C16orf89: variants seen among roughly 807,000 people sequenced by gnomAD.
C16orf89 encodes the protein chromosome 16 open reading frame 89, also known as UPF0764 protein C16orf89.
In C16orf89, 57 loss-of-function variants were observed where a neutral mutation model predicts 41.5. The ratio of observed to expected loss-of-function variants is 1.38; its 90% CI spans 1.11 to 1.71. The LOEUF (loss-of-function observed/expected upper bound fraction) is 1.71, where lower values mean the gene tolerates loss of function less well. C16orf89 is among the 40% of genes most tolerant of loss of function. C16orf89 has a pLI of 0.00. For missense variants in C16orf89, 575 were observed against 445.9 expected (o/e 1.29, Z -2.61); for synonymous variants, 223 against 190.6 (o/e 1.17, Z -1.40).
chr16:5,056,635 GGGCCAAGAACC>G (rs1031885549), intron 4 of C16orf89, among the ~76,000 whole-genome samples: 1 of 152,118 alleles, frequency 6.6e-6, no homozygotes, highest in Non-Finnish European at 1.5e-5. Context: ...CTCAAAGTGT[GGGCCAAGAACC>G]GGGCTGGTGA....
chr16:5,056,429 C>A (rs1216596286), intron 4 of C16orf89, among the ~76,000 whole-genome samples: 2 of 152,172 alleles, frequency 1.3e-5, no homozygotes, highest in African/African-American at 4.8e-5. Flanking sequence ...GCTAAAGTAA[C>A]CTTTCTGAGC....
chr16:5,062,042 T>G (rs1440841744), intron 2 of C16orf89, among the ~76,000 whole-genome samples: 1 of 152,186 alleles, frequency 6.6e-6, no homozygotes, highest in African/African-American at 2.4e-5. Context: ...TGGATTAAAA[T>G]AATTTGGTGA....
chr16:5,044,654 C>A (rs1286483234), intron 7 of C16orf89, 176 bp from the exon 8 acceptor site: 2 of 1,269,010 alleles, frequency 1.6e-6, no homozygotes, highest in Non-Finnish European at 2.2e-6. Flanking sequence ...CCAGCATGAG[C>A]AACATGATGA....
intron 2 of C16orf89, 44 bp from the exon 3 acceptor site, chr16:5,060,480 C>A: frequency 6.4e-7 from 1 of 1,570,920 alleles, no homozygotes; most frequent in Non-Finnish European, 8.7e-7. Context: ...TGGGGGTGAC[C>A]CAGGAGCAGT....
At chr16:5,059,086 A>C (rs1956566142) in intron 3 of C16orf89, among the ~76,000 whole-genome samples, 1 of 151,872 alleles carries the variant, frequency 6.6e-6, no homozygotes, top group Non-Finnish European at 1.5e-5. Flanking sequence ...CAAAAAATAC[A>C]AAAATTAGCT....
At chr16:5,062,664 A>G in intron 1 of C16orf89, 90 bp from the exon 2 acceptor site, 1 of 1,375,780 alleles carries the variant, frequency 7.3e-7, no homozygotes. Context: ...CCCAAAGTCT[A>G]ATGCTTCCTG....
chr16:5,058,510 A>G lies in C16orf89; in HGVS notation c.610T>C (p.Phe204Leu), dbSNP rs768383118. 6 of 1,608,892 alleles carry G rather than the reference A, an allele frequency of 3.7e-6. No homozygotes were observed. Among genetic ancestry groups the G allele is most frequent in the South Asian group, 2.2e-5 (2 of 90,980 alleles). ...GCACTCACCATTCTGGCCCAGAGGA[A>G]GAAGAGCAGTTGGTGGGACAGGCAG... The part of the protein sequence containing the change: ...GYCLSHQLLF[F>L]LWARMRGCTQ... Residue 204 changes from phenylalanine to leucine, a missense_variant, in exon 4 of 8, where the codon TTC (phenylalanine) becomes CTC (leucine). Transcript: ENST00000472572.
chr16:5,065,569 C>T, intron 1 of C16orf89, 132 bp downstream of exon 1: 1 of 1,114,806 alleles, frequency 9.0e-7, no homozygotes, highest in African/African-American at 1.6e-5. Flanking sequence ...CTGGCCTCCT[C>T]TCTCCTTATA....
At chr16:5,055,618 G>A in intron 5 of C16orf89, 1 of 1,434,536 alleles carries the variant, frequency 7.0e-7, no homozygotes, top group Non-Finnish European at 9.4e-7. Context: ...ACCCCAGCCA[G>A]CTAGCAGCCT....
chr16:5,061,585 G>C (rs551748978), intron 2 of C16orf89, among the ~76,000 whole-genome samples: 1 of 151,306 alleles, frequency 6.6e-6, no homozygotes, highest in South Asian at 2.1e-4. Flanking sequence ...TGGTGAGAAC[G>C]TGGAGCTCTT....
At position 5,056,106 on chromosome 16, in the gene C16orf89, C is replaced by T; in HGVS notation, c.710G>A (p.Arg237Lys). The change falls in exon 5 of 8, where the codon AGA becomes AAA. Residue 237 changes from arginine to lysine, a missense_variant. Physicochemically the swap from Arg to Lys is conservative, Grantham distance 26. Transcript: ENST00000472572. Reference protein sequence around the residue: ...FCANMMDLNRRAEAIGYAYPT... With the variant: ...FCANMMDLNRKAEAIGYAYPT... Reference sequence around the variant, plus strand: ...GTAGGCGTATCCGATGGCCTCAGCTCTGCGGTTCAAGTCCATCATGTTGGC... The same window carrying T: ...GTAGGCGTATCCGATGGCCTCAGCTTTGCGGTTCAAGTCCATCATGTTGGC... 1 of 1,600,292 alleles carries T rather than the reference C, an allele frequency of 6.2e-7. No individual in the cohort carries two copies. The highest frequency in any genetic ancestry group is 8.6e-7 in the Non-Finnish European group (1 of 1,168,430).
intron 1 of C16orf89, among the ~76,000 whole-genome samples, chr16:5,063,704 C>T (rs1483850569): frequency 1.3e-5 from 2 of 151,996 alleles, no homozygotes; most frequent in Admixed American, 6.6e-5. Context: ...ATCTAATGCC[C>T]GATGATCTGA....
chr16:5,058,413 A>C (rs545383061), intron 4 of C16orf89, 80 bp downstream of exon 4: 3 of 1,291,430 alleles, frequency 2.3e-6, no homozygotes. Flanking sequence ...GATTACAGGC[A>C]TGAGCCACCA....
intron 5 of C16orf89, chr16:5,055,572 C>T (rs1596694333): frequency 1.7e-6 from 2 of 1,205,430 alleles, no homozygotes; most frequent in East Asian, 2.6e-5. Flanking sequence ...TTGGTCAGGG[C>T]TGCTCCAAAG....
intron 4 of C16orf89, among the ~76,000 whole-genome samples, chr16:5,056,916 G>T (rs1397005705): frequency 6.6e-6 from 1 of 152,114 alleles, no homozygotes; most frequent in Admixed American, 6.6e-5. Context: ...TTTTTTGAAT[G>T]AAGATAATGA....
chr16:5,062,679 C>T (rs2142676220), intron 1 of C16orf89, 105 bp from the exon 2 acceptor site: 1 of 1,256,896 alleles, frequency 8.0e-7, no homozygotes, highest in Non-Finnish European at 1.1e-6. Context: ...TTCCTGGGAG[C>T]CTCTCTGCCT....
intron 3 of C16orf89, 24 bp downstream of exon 3, chr16:5,060,262 A>C (rs1382232175): frequency 6.3e-7 from 1 of 1,584,026 alleles, no homozygotes; most frequent in East Asian, 2.3e-5. Flanking sequence ...GGTTTCCAGC[A>C]AATAGGGCAA....
Position 5,046,439 on chromosome 16 carries a change from T to C in C16orf89, c.955+1439A>G, listed in dbSNP as rs1242209942. Among the ~76,000 whole-genome samples, 7 of 152,046 alleles carry C rather than the reference T, an allele frequency of 4.6e-5. No homozygotes were observed. The South Asian group carries it at 1.5e-3, about 32-fold the overall frequency. On this transcript the variant is annotated intron_variant, in intron 7 of 7. Transcript: ENST00000472572. The stretch of plus-strand genomic sequence containing the variant: ...CAATCTCAGCTCACTGCAACCTCTG[T>C]CTCCTGGGTTCAAGCAGATCTCCTG...
At chr16:5,060,145 C>T (rs1596702449) in intron 3 of C16orf89, 141 bp downstream of exon 3, 14 of 1,040,062 alleles carry the variant, frequency 1.3e-5, no homozygotes, top group South Asian at 4.1e-5. Flanking sequence ...GGGCAGTACC[C>T]GGCAGCTACA....
Sources: gnomAD v4.1 joint callset for allele counts (sites outside exome capture counted in the v4.1 genomes callset) on GRCh38, gnomAD v4.1.1 for gene constraint, MANE v1.5 for transcripts, NCBI Gene and HGNC (gene_info 2026-07-23, HGNC 2026-07-21) for gene names.